The following SDK1 variants were observed in gnomAD, a reference collection of about 807,000 sequenced individuals.
SDK1 encodes the protein sidekick cell adhesion molecule 1.
A neutral mutation model predicts 245.5 loss-of-function variants in SDK1; 157 were observed. That is an observed-to-expected ratio of 0.64 (90% CI 0.56 to 0.73). SDK1 has a LOEUF of 0.73. Ranked by LOEUF, SDK1 falls within the 30% of genes least tolerant of loss-of-function variation. The pLI is 0.00. For synonymous variants in SDK1, 1,647 were observed against 1,278.5 expected (o/e 1.29, Z -6.15); for missense variants, 3,583 against 3,002.3 (o/e 1.19, Z -4.52).
intron 1 of SDK1, among the ~76,000 whole-genome samples, chr7:3,309,897 T>G (rs1263921304): frequency 6.6e-6 from 1 of 152,228 alleles, no homozygotes; most frequent in Non-Finnish European, 1.5e-5. Flanking sequence ...AATGGTTGTC[T>G]TAGCTAAAAC....
At chr7:3,823,365 A>G (rs1779693862) in intron 5 of SDK1, among the ~76,000 whole-genome samples, 1 of 152,112 alleles carries the variant, frequency 6.6e-6, no homozygotes, top group African/African-American at 2.4e-5. Context: ...AGGGGGTGAA[A>G]TTCTGCATCA....
At chr7:3,668,897 T>C (rs942970620) in intron 4 of SDK1, among the ~76,000 whole-genome samples, 1 of 152,242 alleles carries the variant, frequency 6.6e-6, no homozygotes, top group Non-Finnish European at 1.5e-5. Context: ...CACAAAGGCC[T>C]GCCCAGGTTC....
chr7:3,579,893 T>A (rs961604654), intron 1 of SDK1, among the ~76,000 whole-genome samples: 1 of 152,106 alleles, frequency 6.6e-6, no homozygotes, highest in African/African-American at 2.4e-5. Context: ...CTTGGGTGAG[T>A]CATCATCTTG....
chr7:3,378,803 C>T (rs1431183667), intron 1 of SDK1, among the ~76,000 whole-genome samples: 1 of 151,926 alleles, frequency 6.6e-6, no homozygotes, highest in Non-Finnish European at 1.5e-5. Flanking sequence ...CACTCTGCTG[C>T]CCTGCTCGCT....
chr7:3,412,295 C>CAA (rs1259573526), intron 1 of SDK1, among the ~76,000 whole-genome samples: 1 of 152,160 alleles, frequency 6.6e-6, no homozygotes, highest in African/African-American at 2.4e-5. Flanking sequence ...ATATATAATA[C>CAA]AAACATGTAT....
At chr7:3,477,555 A>G (rs527847316) in intron 1 of SDK1, among the ~76,000 whole-genome samples, 1 of 141,552 alleles carries the variant, frequency 7.1e-6, no homozygotes, top group Admixed American at 7.0e-5. Context: ...CACTCTGTCC[A>G]CCAGGCTGGA....
At chr7:4,132,508 G>C in intron 28 of SDK1, 85 bp downstream of exon 28, 2 of 945,658 alleles carry the variant, frequency 2.1e-6, no homozygotes, top group Non-Finnish European at 3.3e-6. Flanking sequence ...GTTTGCTTGA[G>C]CCCAGGAGTT....
At position 3,723,877 on chromosome 7, in the gene SDK1, T is replaced by C. The variant is rs186737771; in HGVS notation, c.713+81772T>C. On this transcript the variant is annotated intron_variant, in intron 4 of 44. Transcript: ENST00000404826. ...ATACATATACACGTGTATATACACG[T>C]ACATATATATATACACGTGTATATA... Among the ~76,000 whole-genome samples the C allele has an allele frequency of 1.2e-3, 157 of 129,336 alleles. 5 individuals are homozygous for C. The highest frequency in any genetic ancestry group is 2.2e-3 in the Non-Finnish European group (137 of 63,178). The allele number at this position is 129,336 out of a possible 152,430, so 84.8% of individuals were successfully genotyped here.
intron 1 of SDK1, among the ~76,000 whole-genome samples, chr7:3,487,890 A>G (rs954294843): frequency 2.6e-5 from 4 of 152,114 alleles, no homozygotes; most frequent in African/African-American, 9.7e-5. Context: ...TTGGGGGTTG[A>G]TAATGAAAAA....
At chr7:4,137,372 T>G (rs1779162043) in intron 28 of SDK1, among the ~76,000 whole-genome samples, 1 of 152,196 alleles carries the variant, frequency 6.6e-6, no homozygotes, top group Non-Finnish European at 1.5e-5. Context: ...GCGTCAGTCT[T>G]CAGGCTGACC....
chr7:3,870,552 T>G (rs1228320926), intron 5 of SDK1, among the ~76,000 whole-genome samples: 1 of 150,312 alleles, frequency 6.7e-6, no homozygotes, highest in East Asian at 1.9e-4. Context: ...AGGTACCATT[T>G]ACCTTTTTGT....
chr7:3,464,732 A>G lies in SDK1; in HGVS notation c.299-154348A>G, dbSNP rs145874164. Among the ~76,000 whole-genome samples, 597 of 151,912 alleles carry G rather than the reference A, an allele frequency of 3.9e-3. 7 individuals carry two copies. Among genetic ancestry groups the G allele is most frequent in the African/African-American group, 0.014 (559 of 41,384 alleles). On this transcript the variant is annotated intron_variant, in intron 1 of 44. Coordinates refer to ENST00000404826, the MANE Select transcript of SDK1 (RefSeq NM_152744.4). The stretch of plus-strand genomic sequence containing the variant: ...TATATATATACACACACACACATAT[A>G]AAGTACTTTGGCAGAAATATATTTC...
At chr7:3,345,101 T>A (rs62437705) in intron 1 of SDK1, among the ~76,000 whole-genome samples, 14,390 of 152,252 alleles carry the variant, frequency 0.095, 932 homozygotes, top group Middle Eastern at 0.16. Context: ...GAACTTCGGG[T>A]CTCCACGGAA....
At chr7:3,375,297 A>G (rs756575629) in intron 1 of SDK1, among the ~76,000 whole-genome samples, 1 of 152,224 alleles carries the variant, frequency 6.6e-6, no homozygotes, top group Non-Finnish European at 1.5e-5. Flanking sequence ...TCAGTATAAT[A>G]CTGACCCAGG....
chr7:3,542,449 C>T (rs532207989), intron 1 of SDK1, among the ~76,000 whole-genome samples: 2 of 152,274 alleles, frequency 1.3e-5, no homozygotes, highest in East Asian at 1.9e-4. Context: ...TGGGCTGGGC[C>T]TTTCCTCTTT....
At chr7:3,787,546 A>T (rs2115019185) in intron 4 of SDK1, among the ~76,000 whole-genome samples, 1 of 152,282 alleles carries the variant, frequency 6.6e-6, no homozygotes, top group African/African-American at 2.4e-5. Context: ...GTTAAAAAAA[A>T]AATCCCTTCT....
chr7:3,539,745 G>C (rs887898421), intron 1 of SDK1, among the ~76,000 whole-genome samples: 4 of 152,202 alleles, frequency 2.6e-5, no homozygotes, highest in Non-Finnish European at 5.9e-5. Context: ...AAATGAATGA[G>C]GTTAGGAAGA....
chr7:3,522,946 G>A (rs994846960), intron 1 of SDK1, among the ~76,000 whole-genome samples: 9 of 29,170 alleles, frequency 3.1e-4, no homozygotes, highest in Non-Finnish European at 1.3e-4. Context: ...AAGGTTAGGG[G>A]CACTCTTTGG....
At chr7:3,952,132 C>T (rs1347502910) in intron 7 of SDK1, 2 of 561,180 alleles carry the variant, frequency 3.6e-6, no homozygotes, top group African/African-American at 3.9e-5. Flanking sequence ...TCAATCCTTC[C>T]AAGAAACGTC....
Sources: gnomAD v4.1 joint callset for allele counts (sites outside exome capture counted in the v4.1 genomes callset) on GRCh38, gnomAD v4.1.1 for gene constraint, MANE v1.5 for transcripts, NCBI Gene and HGNC (gene_info 2026-07-23, HGNC 2026-07-21) for gene names.